GPR78: variants seen among roughly 807,000 people sequenced by gnomAD.
GPR78 encodes G protein-coupled receptor 78.
Under a neutral mutation model 17.9 loss-of-function variants are expected in GPR78, and 29 were observed. The observed-to-expected ratio is 1.62, with a 90% CI of 1.20 to 2.21. The LOEUF (loss-of-function observed/expected upper bound fraction) is 2.21, where lower values mean the gene tolerates loss of function less well. GPR78 is among the 30% of genes most tolerant of loss of function. The pLI is 0.00. For synonymous variants in GPR78, 349 were observed against 256.9 expected (o/e 1.36, Z -3.43); for missense variants, 649 against 530.5 (o/e 1.22, Z -2.19).
chr4:8,581,858 T>TCA (rs59026373), intron 1 of GPR78, among the ~76,000 whole-genome samples: 66,235 of 152,022 alleles, frequency 0.44, 14,916 homozygotes, highest in Admixed American at 0.53. Context: ...GGATATGTGC[T>TCA]CAGTGCACAG....
At position 8,589,930 on chromosome 4, in the gene GPR78, T is replaced by A. The variant is rs1484628329; in HGVS notation, c.*2567T>A. Among the ~76,000 whole-genome samples, 42 of 116,010 alleles carry A rather than the reference T, an allele frequency of 3.6e-4. No homozygotes were observed. The highest frequency in any genetic ancestry group is 1.2e-3 in the African/African-American group (39 of 31,404). 76.1% of individuals were successfully genotyped at this position (116,010 alleles called of 152,430 possible). A position where few individuals can be genotyped will look rare whatever the true frequency, so the allele number is the denominator to read the frequency against. On this transcript the variant is annotated 3_prime_UTR_variant, in exon 3 of 3. Coordinates refer to ENST00000382487, the MANE Select transcript of GPR78 (RefSeq NM_080819.5). ...GTGGCCTTTTTTTTTTTTTTTTTTT[T>A]AATTTGAAAAATATTTTTCATGTGC... is the stretch of plus-strand genomic sequence containing the variant.
rs571181833 is a variant in GPR78, at chr4:8,587,189, C to T, written c.918C>T (p.Ala306=). Residue 306 remains alanine, a synonymous_variant, in exon 3 of 3, where the codon GCC becomes GCT. Transcript: ENST00000382487. ...LLRRPFRQVL[A]GMVHRLLKRT... is the part of the protein sequence containing the mutation. ...GCCGGCCGTTCCGCCAAGTCCTGGC[C>T]GGCATGGTGCACCGGCTGCTGAAGA... 82 of 1,612,742 alleles carry T rather than the reference C, an allele frequency of 5.1e-5. No individual in the cohort carries two copies. The Admixed American group carries it at 6.3e-4, about 12-fold the overall frequency.
At position 8,588,103 on chromosome 4, in the gene GPR78, C is replaced by T. The variant is rs1025611236; in HGVS notation, c.*740C>T. On this transcript the variant is annotated 3_prime_UTR_variant, in exon 3 of 3. Transcript: ENST00000382487. ...GCTGTGGAGTCTGTGTGCTCAGAGCCTTTTCTGGTGAAGATATCATCAGAG... is the reference window on the plus strand; with the variant it reads ...GCTGTGGAGTCTGTGTGCTCAGAGCTTTTTCTGGTGAAGATATCATCAGAG... Among the ~76,000 whole-genome samples, 5 of 152,234 alleles carry T rather than the reference C, an allele frequency of 3.3e-5. No individual in the cohort carries two copies. Among genetic ancestry groups the T allele is most frequent in the African/African-American group, 9.6e-5 (4 of 41,472 alleles).
intron 2 of GPR78, among the ~76,000 whole-genome samples, chr4:8,585,992 G>GATC (rs1404040729): frequency 6.6e-6 from 1 of 152,224 alleles, no homozygotes; most frequent in African/African-American, 2.4e-5. Flanking sequence ...CTGCCTGGGA[G>GATC]ATCATCAGGC....
chr4:8,586,957 A>T (rs1262790313), intron 2 of GPR78, 97 bp from the exon 3 acceptor site: 2 of 1,055,678 alleles, frequency 1.9e-6, no homozygotes, highest in Non-Finnish European at 2.8e-6. Context: ...GGGCTGCGGT[A>T]CGTACTTGAG....
In GPR78 at chr4:8,581,110, T is replaced by G; in HGVS notation, c.128T>G (p.Val43Gly). 1.2e-6 allele frequency: 2 copies of G among 1,606,466 alleles called. No homozygotes were observed. The highest frequency in any genetic ancestry group is 1.7e-6 in the Non-Finnish European group (2 of 1,179,712). The change falls in exon 1 of 3, where the codon GTC becomes GGC. Residue 43 changes from valine (V) to glycine (G), a missense_variant. Coordinates refer to ENST00000382487, the MANE Select transcript of GPR78 (RefSeq NM_080819.5). ...SAELRTRASG[V>G]LLVNLSLGHL... The stretch of plus-strand genomic sequence containing the variant: ...GAGCTCCGCACTCGAGCCTCAGGCG[T>G]CCTCCTGGTGAATCTGTCTCTGGGC...
Position 8,580,744 on chromosome 4 carries a change from CT to C in GPR78, c.-238del. On this transcript the variant is annotated 5_prime_UTR_variant, in exon 1 of 3. Coordinates refer to ENST00000382487, the MANE Select transcript of GPR78 (RefSeq NM_080819.5). Reference sequence around the variant, plus strand: ...CACCCTGGACAGCACCGCGGTTGCGCTGCCTCCAGGGCGGCCCCGGGCTGCT... The same window carrying C: ...CACCCTGGACAGCACCGCGGTTGCGCGCCTCCAGGGCGGCCCCGGGCTGCT... 1 of 553,490 alleles carries C rather than the reference CT, an allele frequency of 1.8e-6. No homozygotes were observed. Among genetic ancestry groups the C allele is most frequent in the Non-Finnish European group, 3.1e-6 (1 of 318,258 alleles). 34.3% of individuals were successfully genotyped at this position (553,490 alleles called of 1,614,324 possible).
chr4:8,584,090 C>G (rs994064164), intron 2 of GPR78, among the ~76,000 whole-genome samples: 1 of 152,172 alleles, frequency 6.6e-6, no homozygotes, highest in African/African-American at 2.4e-5. Flanking sequence ...TGTGTATACA[C>G]ACATGCATGT....
Position 8,582,488 on chromosome 4 carries a change from C to T in GPR78, c.669-43C>T, listed in dbSNP as rs760202454. The T allele has an allele frequency of 1.6e-5, 22 of 1,379,488 alleles. 1 individual carries two copies. In the East Asian group the frequency reaches 4.6e-4, roughly 29 times the overall value. The allele number at this position is 1,379,488 out of a possible 1,614,324, so 85.5% of individuals were successfully genotyped here. Reference sequence around the variant, plus strand: ...CTGGGCTCTGGGCCTGGGTTCTGTCCCCACCCTGCCATCATCCTGACCACT... The same window carrying T: ...CTGGGCTCTGGGCCTGGGTTCTGTCTCCACCCTGCCATCATCCTGACCACT... On this transcript the variant is annotated intron_variant, in intron 1 of 2. Transcript: ENST00000382487.
At chr4:8,585,713 C>T (rs921599895) in intron 2 of GPR78, among the ~76,000 whole-genome samples, 7 of 152,178 alleles carry the variant, frequency 4.6e-5, no homozygotes, top group Admixed American at 3.9e-4. Context: ...TCTGCTCTGG[C>T]TGTGCCCCTC....
Position 8,581,280 on chromosome 4 carries a change from C to T in GPR78, c.298C>T (p.Leu100=), listed in dbSNP as rs778319343. 1.3e-6 allele frequency: 2 copies of T among 1,588,868 alleles called. No homozygotes were observed. Among genetic ancestry groups the T allele is most frequent in the South Asian group, 2.2e-5 (2 of 89,132 alleles). Residue 100 remains leucine (L), a synonymous_variant, in exon 1 of 3, where the codon CTG becomes TTG. Coordinates refer to ENST00000382487, the MANE Select transcript of GPR78 (RefSeq NM_080819.5). ...ASNAALSVAA[L]SADQWLAVGF... ...CAACGCGGCGCTGAGCGTGGCGGCG[C>T]TGAGCGCAGACCAGTGGCTGGCAGT...
Position 8,589,799 on chromosome 4 carries a change from G to A in GPR78, c.*2436G>A, listed in dbSNP as rs991474631. Among the ~76,000 whole-genome samples the A allele has an allele frequency of 5.3e-5, 8 of 152,144 alleles. No individual in the cohort carries two copies. Among genetic ancestry groups the A allele is most frequent in the East Asian group, 1.9e-4 (1 of 5,192 alleles). The stretch of plus-strand genomic sequence containing the variant: ...CTTGCTGTCATGTTTCGCCTTCCTC[G>A]GCAGCTCCATGGAATGTTCTGGAGC... On this transcript the variant is annotated 3_prime_UTR_variant, in exon 3 of 3. Transcript: ENST00000382487.
At chr4:8,582,293 G>A (rs996069293) in intron 1 of GPR78, among the ~76,000 whole-genome samples, 1 of 152,136 alleles carries the variant, frequency 6.6e-6, no homozygotes, top group Non-Finnish European at 1.5e-5. Flanking sequence ...AGAAGGATGA[G>A]CCAGAGGGAA....
Position 8,588,928 on chromosome 4 carries a change from G to A in GPR78, c.*1565G>A, listed in dbSNP as rs1264613440. Among the ~76,000 whole-genome samples the A allele has an allele frequency of 6.6e-6, 1 of 152,192 alleles. No homozygotes were observed. The highest frequency in any genetic ancestry group is 2.4e-5 in the African/African-American group (1 of 41,448). ...GTTGCCTAGGCTAGAGTGCAGTGGT[G>A]CAATCTCAGCTCACTGCAGCCTCCA... On this transcript the variant is annotated 3_prime_UTR_variant, in exon 3 of 3. Transcript: ENST00000382487.
In GPR78 at chr4:8,582,032, A is replaced by C. The variant is rs564049145; in HGVS notation, c.668+382A>C. On this transcript the variant is annotated intron_variant, in intron 1 of 2. Coordinates refer to ENST00000382487, the MANE Select transcript of GPR78 (RefSeq NM_080819.5). ...TGCCCTTGCATGGACTTGGGCTTCA[A>C]GTCTTGAGCAGGGTCCATCCCCCAT... Among the ~76,000 whole-genome samples the C allele has an allele frequency of 3.1e-3, 472 of 152,202 alleles. 2 individuals are homozygous for C. Among genetic ancestry groups the C allele is most frequent in the African/African-American group, 0.011 (444 of 41,502 alleles).
chr4:8,586,097 A>G (rs996063515), intron 2 of GPR78, among the ~76,000 whole-genome samples: 6 of 152,198 alleles, frequency 3.9e-5, no homozygotes, highest in African/African-American at 1.2e-4. Context: ...TGCTTGTGAC[A>G]GCTGTCAGAA....
chr4:8,581,134 G>C lies in GPR78; in HGVS notation c.152G>C (p.Gly51Ala). ...GTCCTCCTGGTGAATCTGTCTCTGG[G>C]CCACCTGCTGCTGGCGGCGCTGGAC... ...SGVLLVNLSL[G>A]HLLLAALDMP... is the part of the protein sequence containing the mutation. Residue 51 changes from glycine (G) to alanine (A), a missense_variant, in exon 1 of 3, where the codon GGC becomes GCC. By Grantham distance (60) the Gly-to-Ala change is moderately conservative. Transcript: ENST00000382487. 6.2e-7 allele frequency: 1 copy of C among 1,604,942 alleles called. No homozygotes were observed. The highest frequency in any genetic ancestry group is 8.5e-7 in the Non-Finnish European group (1 of 1,179,768).
Position 8,580,821 on chromosome 4 carries a change from T to TGCC in GPR78, c.-156_-154dup. On this transcript the variant is annotated 5_prime_UTR_variant, in exon 1 of 3. Transcript: ENST00000382487. ...CCCCGGGTGCCCCGGACCCTGCACT[T>TGCC]GCCGCCGCTTTCCTCGCGCTGCTCT... 1 of 726,502 alleles carries TGCC rather than the reference T, an allele frequency of 1.4e-6. No individual in the cohort carries two copies. Among genetic ancestry groups the TGCC allele is most frequent in the South Asian group, 2.0e-5 (1 of 50,646 alleles). The allele number at this position is 726,502 out of a possible 1,614,324, so 45.0% of individuals were successfully genotyped here.
chr4:8,581,388 G>T lies in GPR78; in HGVS notation c.406G>T (p.Ala136Ser). The change falls in exon 1 of 3, where the codon GCC (alanine) becomes TCC (serine). Residue 136 changes from alanine (A) to serine (S), a missense_variant. Coordinates refer to ENST00000382487, the MANE Select transcript of GPR78 (RefSeq NM_080819.5). ...GGGCTGTGCCTGGGGACAGTCGCTG[G>T]CCTTCTCAGGCGCTGCACTTGGCTG... is the stretch of plus-strand genomic sequence containing the variant. ...LLGCAWGQSL[A>S]FSGAALGCSW... The T allele has an allele frequency of 6.3e-7, 1 of 1,584,538 alleles. No individual in the cohort carries two copies. The highest frequency in any genetic ancestry group is 1.1e-5 in the South Asian group (1 of 89,434).
Sources: allele counts gnomAD v4.1 joint callset (sites outside exome capture counted in the v4.1 genomes callset), GRCh38; gene constraint gnomAD v4.1.1; transcripts MANE v1.5; gene names NCBI Gene and HGNC (gene_info 2026-07-23, HGNC 2026-07-21).